Variants in CCNF observed in about 807,000 individuals in gnomAD.
CCNF encodes cyclin-F.
A neutral mutation model predicts 85.4 loss-of-function variants in CCNF; 30 were observed. That is an observed-to-expected ratio of 0.35 (90% CI 0.26 to 0.48). The LOEUF (loss-of-function observed/expected upper bound fraction) is 0.48, where lower values mean the gene tolerates loss of function less well. CCNF is among the 20% of genes least tolerant of loss of function. CCNF has a pLI of 0.99. For missense variants in CCNF, 919 were observed against 1,010.4 expected (o/e 0.91, Z 1.23); for synonymous variants, 439 against 425.1 (o/e 1.03, Z -0.40).
Position 2,458,037 on chromosome 16 carries a change from G to C in CCNF, c.*1017G>C, listed in dbSNP as rs1317355152. 1 of 152,230 alleles carries C rather than the reference G, an allele frequency of 6.6e-6. No individual in the cohort carries two copies. Among genetic ancestry groups the C allele is most frequent in the Non-Finnish European group, 1.5e-5 (1 of 68,072 alleles). The allele number at this position is 152,230 out of a possible 1,614,324, so 9.4% of individuals were successfully genotyped here. ...TGTGGGGGCCCGTGGGAGGGAGGCAGACCCCTGGGCTTTCCTGCTGGCCAC... is the reference window on the plus strand; with the variant it reads ...TGTGGGGGCCCGTGGGAGGGAGGCACACCCCTGGGCTTTCCTGCTGGCCAC... On this transcript the variant is annotated 3_prime_UTR_variant, in exon 17 of 17. Coordinates refer to ENST00000397066, the MANE Select transcript of CCNF (RefSeq NM_001761.3).
chr16:2,450,281 C>T (rs932505015), intron 13 of CCNF, among the ~76,000 whole-genome samples: 1 of 144,672 alleles, frequency 6.9e-6, no homozygotes, highest in African/African-American at 2.6e-5. Context: ...GGGCGGATCA[C>T]CGAGGTCAGG....
intron 3 of CCNF, among the ~76,000 whole-genome samples, chr16:2,434,633 A>G (rs926783589): frequency 2.6e-5 from 4 of 152,218 alleles, no homozygotes; most frequent in Non-Finnish European, 5.9e-5. Flanking sequence ...TAAGTAAATA[A>G]ATAAATAAAA....
chr16:2,454,833 G>A (rs919065669), intron 15 of CCNF, among the ~76,000 whole-genome samples: 6 of 152,166 alleles, frequency 3.9e-5, no homozygotes, highest in African/African-American at 7.2e-5. Context: ...GCCGAGGTGG[G>A]CGGATCACCT....
chr16:2,446,997 T>C (rs2065365573), intron 10 of CCNF, among the ~76,000 whole-genome samples: 2 of 152,320 alleles, frequency 1.3e-5, no homozygotes, highest in South Asian at 4.1e-4. Context: ...CATCCAGAGC[T>C]GTCTTCAGAT....
chr16:2,457,839 A>T lies in CCNF; in HGVS notation c.*819A>T, dbSNP rs2065438639. On this transcript the variant is annotated 3_prime_UTR_variant, in exon 17 of 17. Transcript: ENST00000397066. ...TATTTAGGTTCACCTGCAAAACAAA[A>T]ATCTTACTCCAGCCCCTCAATGCCA... The T allele has an allele frequency of 6.6e-6, 1 of 152,222 alleles. No individual in the cohort carries two copies. The highest frequency in any genetic ancestry group is 6.5e-5 in the Admixed American group (1 of 15,288). 9.4% of individuals were successfully genotyped at this position (152,222 alleles called of 1,614,324 possible). A position where few individuals can be genotyped will look rare whatever the true frequency, so the allele number is the denominator to read the frequency against.
At position 2,456,442 on chromosome 16, in the gene CCNF, G is replaced by C. The variant is rs2065427967; in HGVS notation, c.1886-103G>C. On this transcript the variant is annotated intron_variant, in intron 16 of 16. Transcript: ENST00000397066. The surrounding 1 kb of genome is among the most constrained non-coding windows in gnomAD (Gnocchi z 4.5). ...AGGGTAACACAGGGGACCGTAGCAA[G>C]GTAGAAGATTCTTGACCTGGACTTC... 3 of 746,500 alleles carry C rather than the reference G, an allele frequency of 4.0e-6. No individual in the cohort carries two copies. The highest frequency in any genetic ancestry group is 4.1e-5 in the South Asian group (2 of 48,722). The allele number at this position is 746,500 out of a possible 1,614,324, so 46.2% of individuals were successfully genotyped here.
In CCNF at chr16:2,449,399, G is replaced by C; in HGVS notation, c.1336G>C (p.Ala446Pro). 1.9e-6 allele frequency: 3 copies of C among 1,612,016 alleles called. No homozygotes were observed. Among genetic ancestry groups the C allele is most frequent in the Non-Finnish European group, 2.5e-6 (3 of 1,179,962 alleles). ...CTCCCTGCTGCACACCAGCCTGTCCGCCTACGCCCCAGCCCGCCTGGCTGC... is the reference window on the plus strand; with the variant it reads ...CTCCCTGCTGCACACCAGCCTGTCCCCCTACGCCCCAGCCCGCCTGGCTGC... ...ELSLLHTSLS[A>P]YAPARLAAAA... Residue 446 changes from alanine to proline, a missense_variant, in exon 12 of 17, where the codon GCC becomes CCC. Ala to Pro is a conservative substitution (Grantham distance 27). Transcript: ENST00000397066.
chr16:2,439,436 G>T lies in CCNF; in HGVS notation c.678G>T (p.Trp226Cys), dbSNP rs763665994. The change falls in exon 7 of 17, where the codon TGG becomes TGT. Residue 226 changes from tryptophan to cysteine, a missense_variant. By Grantham distance (215) the Trp-to-Cys change is radical (BLOSUM62 -2). Around this residue, in one of 3 missense-constraint regions of CCNF, gnomAD observed 410 missense variants for 478.6 expected, o/e 0.86. Transcript: ENST00000397066. ...GTCTGACCAGCTCCTACCTCCTCTGGGAAAGCGACAGGAGGACAGATGTGA... is the reference window on the plus strand; with the variant it reads ...GTCTGACCAGCTCCTACCTCCTCTGTGAAAGCGACAGGAGGACAGATGTGA... ...QGCLTSSYLL[W>C]ESDRRTDVSD... 1 of 1,610,722 alleles carries T rather than the reference G, an allele frequency of 6.2e-7. No individual in the cohort carries two copies.
At position 2,453,660 on chromosome 16, in the gene CCNF, G is replaced by T. The variant is rs1376087620; in HGVS notation, c.1715+123G>T. 1.5e-6 allele frequency: 2 copies of T among 1,295,762 alleles called. No individual in the cohort carries two copies. Among genetic ancestry groups the T allele is most frequent in the African/African-American group, 2.9e-5 (2 of 68,590 alleles). 80.3% of individuals were successfully genotyped at this position (1,295,762 alleles called of 1,614,324 possible). ...CTTGTCAGGGGAGCAGCAGATCCCA[G>T]GACAGTGACCCTGGGACGGAGCCCT... is the stretch of plus-strand genomic sequence containing the variant. On this transcript the variant is annotated intron_variant, in intron 15 of 16. Coordinates refer to ENST00000397066, the MANE Select transcript of CCNF (RefSeq NM_001761.3). This position sits in a 1 kb window ranked among gnomAD's most constrained non-coding sequence, Gnocchi z 5.6.
chr16:2,457,851 G>A lies in CCNF; in HGVS notation c.*831G>A, dbSNP rs1017583293. On this transcript the variant is annotated 3_prime_UTR_variant, in exon 17 of 17. Coordinates refer to ENST00000397066, the MANE Select transcript of CCNF (RefSeq NM_001761.3). ...CCTGCAAAACAAAAATCTTACTCCA[G>A]CCCCTCAATGCCATCCTGACACACT... The A allele has an allele frequency of 1.3e-5, 2 of 152,272 alleles. No homozygotes were observed. Among genetic ancestry groups the A allele is most frequent in the Admixed American group, 1.3e-4 (2 of 15,302 alleles). 9.4% of individuals were successfully genotyped at this position (152,272 alleles called of 1,614,324 possible). A position where few individuals can be genotyped will look rare whatever the true frequency, so the allele number is the denominator to read the frequency against.
chr16:2,434,668 T>C (rs145370728), intron 3 of CCNF, among the ~76,000 whole-genome samples: 96 of 152,358 alleles, frequency 6.3e-4, no homozygotes, highest in African/African-American at 2.2e-3. Flanking sequence ...GTTTTTAGTA[T>C]ACTGAGAGTT....
chr16:2,445,780 T>C (rs1385700409), intron 10 of CCNF, among the ~76,000 whole-genome samples, 158 bp downstream of exon 10: 16 of 147,862 alleles, frequency 1.1e-4, no homozygotes. Flanking sequence ...CAGGCTGGAG[T>C]GCAGTGGTGC....
Position 2,429,467 on chromosome 16 carries a change from G to T in CCNF, c.-15G>T, listed in dbSNP as rs1482465904. The T allele has an allele frequency of 8.2e-6, 10 of 1,225,966 alleles. No individual in the cohort carries two copies. The highest frequency in any genetic ancestry group is 1.0e-5 in the Non-Finnish European group (10 of 984,746). The allele number at this position is 1,225,966 out of a possible 1,614,324, so 75.9% of individuals were successfully genotyped here. On this transcript the variant is annotated 5_prime_UTR_variant, in exon 1 of 17. Coordinates refer to ENST00000397066, the MANE Select transcript of CCNF (RefSeq NM_001761.3). ...CTCTCAGGCGGGCTCCGGCGGCAGC[G>T]ACGCGAGCGCGGCGATGGGGAGCGG...
In CCNF at chr16:2,444,019, G is replaced by A. The variant is rs4786282; in HGVS notation, c.929+219G>A. 0.76 allele frequency among the ~76,000 whole-genome samples: 114,150 copies of A among 151,066 alleles called. 44,022 individuals are homozygous for A. The highest frequency in any genetic ancestry group is 0.92 in the African/African-American group (38,000 of 41,228). Reference sequence around the variant, plus strand: ...ACTGCAAGCTCCGCCTCCTGGGTTCGAGCAATTCTCCTGCCTCAGCCTCCC... The same window carrying A: ...ACTGCAAGCTCCGCCTCCTGGGTTCAAGCAATTCTCCTGCCTCAGCCTCCC... On this transcript the variant is annotated intron_variant, in intron 9 of 16. Transcript: ENST00000397066.
At chr16:2,438,032 T>C in intron 5 of CCNF, 38 bp from the exon 6 acceptor site, 3 of 1,513,354 alleles carry the variant, frequency 2.0e-6, no homozygotes, top group Non-Finnish European at 2.8e-6. Flanking sequence ...GGCAGTTCTC[T>C]GTGCTGGAAA....
chr16:2,439,685 G>A (rs2065310883), intron 7 of CCNF, 64 bp from the exon 8 acceptor site: 2 of 1,392,370 alleles, frequency 1.4e-6, no homozygotes, highest in South Asian at 1.2e-5. Context: ...GCCCTTCTGG[G>A]TCTTGGTTCT....
intron 9 of CCNF, among the ~76,000 whole-genome samples, chr16:2,445,019 T>C (rs2065353743): frequency 1.3e-5 from 2 of 151,802 alleles, no homozygotes; most frequent in Non-Finnish European, 2.9e-5. Context: ...GTCCCCCAAG[T>C]AGGACTACAA....
rs892921715 is a variant in CCNF at position 2,453,901 on chromosome 16, C to T, written c.1715+364C>T. On this transcript the variant is annotated intron_variant, in intron 15 of 16. Coordinates refer to ENST00000397066, the MANE Select transcript of CCNF (RefSeq NM_001761.3). The surrounding 1 kb of genome is among the most constrained non-coding windows in gnomAD (Gnocchi z 5.6). Reference sequence around the variant, plus strand: ...GCTGCTGTCACTCCCGGCACTCGAGCTGTGACCTGAGTCACATCCCCAGCA... The same window carrying T: ...GCTGCTGTCACTCCCGGCACTCGAGTTGTGACCTGAGTCACATCCCCAGCA... Among the ~76,000 whole-genome samples the T allele has an allele frequency of 1.3e-5, 2 of 152,204 alleles. No homozygotes were observed. Among genetic ancestry groups the T allele is most frequent in the African/African-American group, 2.4e-5 (1 of 41,450 alleles).
chr16:2,430,413 C>T (rs373827778), intron 1 of CCNF, among the ~76,000 whole-genome samples: 3 of 152,142 alleles, frequency 2.0e-5, no homozygotes, highest in East Asian at 3.9e-4. Context: ...GAGAGCACAT[C>T]TGAGAAGCAT....
Sources: allele counts gnomAD v4.1 joint callset (sites outside exome capture counted in the v4.1 genomes callset), GRCh38; gene constraint gnomAD v4.1.1; regional missense constraint gnomAD v4.1.1; non-coding constraint Gnocchi (gnomAD v3.1); transcripts MANE v1.5; gene names NCBI Gene and HGNC (gene_info 2026-07-23, HGNC 2026-07-21).